The following PITPNM2 variants were observed in gnomAD, a reference collection of about 807,000 sequenced individuals.
The protein encoded by PITPNM2 is phosphatidylinositol transfer protein membrane associated 2.
Under a neutral mutation model 132.2 loss-of-function variants are expected in PITPNM2, and 35 were observed. The ratio of observed to expected loss-of-function variants is 0.26; its 90% CI spans 0.20 to 0.35. PITPNM2 has a LOEUF of 0.35. Ranked by LOEUF, PITPNM2 falls within the 10% of genes least tolerant of loss-of-function variation. The pLI is 1.00. For missense variants in PITPNM2, 1,332 were observed against 1,912.0 expected, an observed-to-expected ratio of 0.70 and a Z score of 5.66; for synonymous variants, 738 against 799.2, an observed-to-expected ratio of 0.92 and a Z score of 1.29.
At chr12:123,047,928 G>GT (rs1433677631) in intron 2 of PITPNM2, among the ~76,000 whole-genome samples, 2 of 152,040 alleles carry the variant, frequency 1.3e-5, no homozygotes, top group Non-Finnish European at 2.9e-5. Context: ...GTGAAACCCC[G>GT]TATCTACTAA....
intron 2 of PITPNM2, among the ~76,000 whole-genome samples, chr12:123,101,548 G>A (rs1325342749): frequency 2.6e-5 from 4 of 152,180 alleles, no homozygotes; most frequent in Non-Finnish European, 5.9e-5. Context: ...TCCTTCCCAA[G>A]CCCCTCAAAG....
Position 123,101,418 on chromosome 12 carries a change from T to C in PITPNM2, c.-96+8967A>G, listed in dbSNP as rs187989264. On this transcript the variant is annotated intron_variant, in intron 2 of 25. Coordinates refer to ENST00000320201, the MANE Select transcript of PITPNM2 (RefSeq NM_020845.3). ...GAAGTATCAAAGAGTGAATGCAACA[T>C]GTTTCCCAAGAGTATTTATCATTTG... Among the ~76,000 whole-genome samples the C allele has an allele frequency of 4.6e-5, 7 of 152,318 alleles. No individual in the cohort carries two copies. In the East Asian group the frequency reaches 1.2e-3, roughly 25 times the overall value.
chr12:123,040,746 CATG>C (rs1566262615), intron 2 of PITPNM2, among the ~76,000 whole-genome samples: 1 of 151,580 alleles, frequency 6.6e-6, no homozygotes, highest in African/African-American at 2.4e-5. Flanking sequence ...TCATGTAGAA[CATG>C]ATACTTTTTT....
In PITPNM2 at chr12:122,987,772, G is replaced by A. The variant is rs202150231; in HGVS notation, c.3114+13C>T. On this transcript the variant is annotated intron_variant, in intron 21 of 25. Transcript: ENST00000320201. Reference sequence around the variant, plus strand: ...AAGTCCCTCCATGTTACCCCTACCCGCCGTGTCCTTACCTTCTCCCCAGTC... The same window carrying A: ...AAGTCCCTCCATGTTACCCCTACCCACCGTGTCCTTACCTTCTCCCCAGTC... The A allele has an allele frequency of 1.5e-4, 238 of 1,613,662 alleles. No homozygotes were observed. The highest frequency in any genetic ancestry group is 1.3e-3 in the South Asian group (117 of 91,076).
Position 123,000,879 on chromosome 12 carries a change from T to TGA in PITPNM2, c.1154-33_1154-32dup. On this transcript the variant is annotated intron_variant, in intron 9 of 25. Coordinates refer to ENST00000320201, the MANE Select transcript of PITPNM2 (RefSeq NM_020845.3). This position sits in a 1 kb window ranked among gnomAD's most constrained non-coding sequence, Gnocchi z 5.4. ...AAGACACAGAAGCCGTGCTGTGAGC[T>TGA]GAGGGGCAGCCCAACCTGGCCGACC... 6.2e-7 allele frequency: 1 copy of TGA among 1,613,522 alleles called. No individual in the cohort carries two copies. The highest frequency in any genetic ancestry group is 8.5e-7 in the Non-Finnish European group (1 of 1,179,672).
At chr12:123,073,991 A>T (rs905080564) in intron 2 of PITPNM2, among the ~76,000 whole-genome samples, 1 of 152,220 alleles carries the variant, frequency 6.6e-6, no homozygotes, top group African/African-American at 2.4e-5. Context: ...CTGAAGGACA[A>T]GGGCTGAATA....
At chr12:123,010,182 G>T (rs2039124878) in intron 5 of PITPNM2, 105 bp from the exon 6 acceptor site, 2 of 976,912 alleles carry the variant, frequency 2.0e-6, no homozygotes, top group Non-Finnish European at 3.1e-6. Flanking sequence ...TCTGGGCCTT[G>T]CCCTGCCAGA....
In PITPNM2 at chr12:123,022,282, T is replaced by A. The variant is rs2039699027; in HGVS notation, c.79-8240A>T. Among the ~76,000 whole-genome samples, 1 of 152,158 alleles carries A rather than the reference T, an allele frequency of 6.6e-6. No homozygotes were observed. Among genetic ancestry groups the A allele is most frequent in the African/African-American group, 2.4e-5 (1 of 41,418 alleles). ...GAGGAGTGCAGCTGGGTCTCAGCTGTGCCTCTGATCAGGATGCGGCTGCGG... is the reference window on the plus strand; with the variant it reads ...GAGGAGTGCAGCTGGGTCTCAGCTGAGCCTCTGATCAGGATGCGGCTGCGG... On this transcript the variant is annotated intron_variant, in intron 3 of 25. Transcript: ENST00000320201. The surrounding 1 kb of genome is among the most constrained non-coding windows in gnomAD (Gnocchi z 4.9).
intron 2 of PITPNM2, among the ~76,000 whole-genome samples, chr12:123,059,174 CAG>C (rs936380329): frequency 3.9e-5 from 6 of 152,222 alleles, no homozygotes; most frequent in East Asian, 1.9e-4. Flanking sequence ...TGTTTCCAGT[CAG>C]AGAGGAGGAG....
intron 2 of PITPNM2, among the ~76,000 whole-genome samples, chr12:123,067,317 A>G (rs2041456696): frequency 6.6e-6 from 1 of 152,130 alleles, no homozygotes; most frequent in Non-Finnish European, 1.5e-5. Flanking sequence ...TTAGCTGGAC[A>G]TGGTGGCACA....
In PITPNM2 at chr12:123,111,755, C is replaced by T. The variant is rs1260588796; in HGVS notation, c.-199-1267G>A. Among the ~76,000 whole-genome samples, 2 of 152,204 alleles carry T rather than the reference C, an allele frequency of 1.3e-5. No homozygotes were observed. Among genetic ancestry groups the T allele is most frequent in the Admixed American group, 1.3e-4 (2 of 15,288 alleles). On this transcript the variant is annotated intron_variant, in intron 1 of 25. Coordinates refer to ENST00000320201, the MANE Select transcript of PITPNM2 (RefSeq NM_020845.3). This position sits in a 1 kb window ranked among gnomAD's most constrained non-coding sequence, Gnocchi z 4.1. ...TGTACACACCCACATACACACTCAA[C>T]CCCCGGAACAGATGAAACAGCCCAG...
At chr12:123,027,029 G>A (rs541795013) in intron 3 of PITPNM2, among the ~76,000 whole-genome samples, 32 of 152,150 alleles carry the variant, frequency 2.1e-4, no homozygotes, top group Non-Finnish European at 4.7e-4. Context: ...GGGGACACTG[G>A]TCACCAGTGG....
rs1188414380 is a variant in PITPNM2 at position 123,012,623 on chromosome 12, C to T, written c.405G>A (p.Gln135=). The part of the protein sequence containing the change: ...VFNLSPVEKN[Q]LTIDFIDIVK... ...GCCCTTCCTGGTTACCGATTGTCAG[C>T]TGGTTCTTTTCCACAGGAGAGAGGT... Residue 135 remains glutamine, a synonymous_variant, in exon 5 of 26, where the codon CAG becomes CAA. Transcript: ENST00000320201. 9 of 1,613,970 alleles carry T rather than the reference C, an allele frequency of 5.6e-6. No homozygotes were observed. Among genetic ancestry groups the T allele is most frequent in the South Asian group, 5.5e-5 (5 of 91,086 alleles).
chr12:123,061,200 C>T (rs967345100), intron 2 of PITPNM2, among the ~76,000 whole-genome samples: 2 of 152,198 alleles, frequency 1.3e-5, no homozygotes, highest in Non-Finnish European at 2.9e-5. Flanking sequence ...TTTACACTCA[C>T]GGCAGCTCTG....
intron 2 of PITPNM2, among the ~76,000 whole-genome samples, chr12:123,066,908 G>A (rs372891500): frequency 7.2e-5 from 11 of 152,238 alleles, no homozygotes; most frequent in South Asian, 2.1e-4. Flanking sequence ...CCTGGGACCC[G>A]CTGCCAGGCC....
chr12:123,002,061 G>C (rs2038711877), intron 8 of PITPNM2, among the ~76,000 whole-genome samples: 1 of 151,346 alleles, frequency 6.6e-6, no homozygotes, highest in South Asian at 2.1e-4. Flanking sequence ...ATTTAGGCCA[G>C]GGGTGGTGGT....
chr12:123,150,483 G>A lies in PITPNM2; in HGVS notation c.-200+270C>T, dbSNP rs992871924. Among the ~76,000 whole-genome samples the A allele has an allele frequency of 5.3e-5, 8 of 152,110 alleles. No individual in the cohort carries two copies. The highest frequency in any genetic ancestry group is 1.0e-4 in the Non-Finnish European group (7 of 68,016). On this transcript the variant is annotated intron_variant, in intron 1 of 25. Coordinates refer to ENST00000320201, the MANE Select transcript of PITPNM2 (RefSeq NM_020845.3). The surrounding 1 kb of genome is among the most constrained non-coding windows in gnomAD (Gnocchi z 6.0). ...ACGCGGTCGCGACCGACGGAAATTCGGAAATCAGCGTTTCGGGCACGGATC... is the reference window on the plus strand; with the variant it reads ...ACGCGGTCGCGACCGACGGAAATTCAGAAATCAGCGTTTCGGGCACGGATC...
At chr12:122,986,415 C>T in intron 25 of PITPNM2, 21 bp downstream of exon 25, 2 of 1,566,462 alleles carry the variant, frequency 1.3e-6, no homozygotes, top group Non-Finnish European at 1.7e-6. Flanking sequence ...CTGCACCCGC[C>T]CCCACAATGC....
chr12:123,145,121 A>G (rs1462706797), intron 1 of PITPNM2, among the ~76,000 whole-genome samples: 1 of 152,184 alleles, frequency 6.6e-6, no homozygotes, highest in Non-Finnish European at 1.5e-5. Context: ...AGCTGCAGTG[A>G]GCAATGATTG....
Sources: gnomAD v4.1 joint callset for allele counts (sites outside exome capture counted in the v4.1 genomes callset) on GRCh38, gnomAD v4.1.1 for gene constraint, Gnocchi (gnomAD v3.1) non-coding constraint, MANE v1.5 for transcripts, NCBI Gene and HGNC (gene_info 2026-07-23, HGNC 2026-07-21) for gene names.